Variants in ACTN2 observed in about 807,000 individuals in gnomAD.
The protein encoded by ACTN2 is actinin alpha 2, also known as alpha-actinin-2.
ACTN2 carries 39 observed loss-of-function variants against 113.8 expected under a neutral mutation model. The ratio of observed to expected loss-of-function variants is 0.34; its 90% CI spans 0.27 to 0.45. The LOEUF (loss-of-function observed/expected upper bound fraction) is 0.45. ACTN2 is among the 20% of genes least tolerant of loss of function. The pLI is 1.00. For missense variants in ACTN2, 992 were observed against 1,177.9 expected, an observed-to-expected ratio of 0.84 and a Z score of 2.31; for synonymous variants, 429 against 444.1, an observed-to-expected ratio of 0.97 and a Z score of 0.43.
chr1:236,701,752 A>G (rs1657683766), intron 1 of ACTN2, among the ~76,000 whole-genome samples: 1 of 152,188 alleles, frequency 6.6e-6, no homozygotes. Flanking sequence ...TGCTCTTTTG[A>G]CAGTATGTCT....
At chr1:236,748,067 A>G (rs771894947) in intron 13 of ACTN2, 33 of 362,266 alleles carry the variant, frequency 9.1e-5, no homozygotes, top group Non-Finnish European at 1.4e-4. Context: ...ACGTTTCCAA[A>G]AGTCCTTCTA....
Position 236,723,614 on chromosome 1 carries a change from C to A in ACTN2, c.449-2319C>A, listed in dbSNP as rs543487791. On this transcript the variant is annotated intron_variant, in intron 4 of 20. Coordinates refer to ENST00000366578, the MANE Select transcript of ACTN2 (RefSeq NM_001103.4). Reference sequence around the variant, plus strand: ...CCAAGTAGCTGGGATTACAAGTGCCCGCCACCGTGCCCGGCTAATTTTTGT... The same window carrying A: ...CCAAGTAGCTGGGATTACAAGTGCCAGCCACCGTGCCCGGCTAATTTTTGT... Among the ~76,000 whole-genome samples the A allele has an allele frequency of 3.9e-5, 6 of 151,976 alleles. No homozygotes were observed. In the South Asian group the frequency reaches 1.2e-3, roughly 32 times the overall value.
At chr1:236,751,714 G>A in intron 15 of ACTN2, 62 bp downstream of exon 15, 2 of 1,597,128 alleles carry the variant, frequency 1.3e-6, no homozygotes, top group Non-Finnish European at 1.7e-6. Context: ...GTCGAAGGAG[G>A]AAGTTAACGC....
chr1:236,704,631 T>G (rs1474728307), intron 1 of ACTN2, among the ~76,000 whole-genome samples: 4 of 152,156 alleles, frequency 2.6e-5, no homozygotes, highest in Middle Eastern at 3.2e-3. Context: ...GCTTATGATA[T>G]GAGAGATTTA....
chr1:236,688,505 G>T (rs112540270), intron 1 of ACTN2, among the ~76,000 whole-genome samples: 3 of 151,882 alleles, frequency 2.0e-5, no homozygotes, highest in Non-Finnish European at 4.4e-5. Flanking sequence ...ATATGGCTTC[G>T]AATTCTTTTA....
chr1:236,719,034 TC>T (rs1437178847), intron 3 of ACTN2, 21 bp downstream of exon 3: 1 of 1,613,240 alleles, frequency 6.2e-7, no homozygotes, highest in African/African-American at 1.3e-5. Context: ...TGGTGGGTGG[TC>T]CTGTCTGCCA....
chr1:236,722,270 T>C (rs1658416936), intron 4 of ACTN2, among the ~76,000 whole-genome samples: 2 of 152,160 alleles, frequency 1.3e-5, no homozygotes, highest in Admixed American at 1.3e-4. Context: ...TTCATTGTTA[T>C]TAGAATCAAA....
intron 6 of ACTN2, among the ~76,000 whole-genome samples, chr1:236,728,880 T>G (rs909359775): frequency 6.8e-6 from 1 of 147,604 alleles, no homozygotes; most frequent in Non-Finnish European, 1.5e-5. Flanking sequence ...GGCCACAGGG[T>G]GACACACCAA....
intron 11 of ACTN2, among the ~76,000 whole-genome samples, chr1:236,744,035 G>T (rs896097199): frequency 6.6e-6 from 1 of 152,110 alleles, no homozygotes; most frequent in African/African-American, 2.4e-5. Flanking sequence ...ATTAGCCAGG[G>T]GATAAATGTG....
chr1:236,731,172 T>C, intron 6 of ACTN2, 61 bp from the exon 7 acceptor site: 1 of 1,328,018 alleles, frequency 7.5e-7, no homozygotes, highest in South Asian at 1.2e-5. Flanking sequence ...TAAGAAACAT[T>C]CTTCATAAGT....
At chr1:236,733,310 A>T (rs1212401159) in intron 7 of ACTN2, among the ~76,000 whole-genome samples, 1 of 152,166 alleles carries the variant, frequency 6.6e-6, no homozygotes, top group African/African-American at 2.4e-5. Flanking sequence ...TGAGTTTCCT[A>T]TTCACTCACG....
chr1:236,757,830 G>A (rs747401334), intron 18 of ACTN2, among the ~76,000 whole-genome samples, 198 bp downstream of exon 18: 30 of 152,156 alleles, frequency 2.0e-4, no homozygotes, highest in Non-Finnish European at 1.9e-4. Flanking sequence ...CAAAGTCCAG[G>A]TTTGTGTGCT....
In ACTN2 at chr1:236,737,297, GCA is replaced by G. The variant is rs1491227221; in HGVS notation, c.876+84_876+85del. On this transcript the variant is annotated intron_variant, in intron 9 of 20. Coordinates refer to ENST00000366578, the MANE Select transcript of ACTN2 (RefSeq NM_001103.4). ...GAGGGTGAAAAAATACTCCGTGGGG[GCA>G]TATATATATATATATATATTTTGCA... The G allele has an allele frequency of 2.1e-3, 663 of 321,750 alleles. 77 individuals are homozygous for G. Among genetic ancestry groups the G allele is most frequent in the Admixed American group, 4.7e-3 (115 of 24,410 alleles). 19.9% of individuals were successfully genotyped at this position (321,750 alleles called of 1,614,324 possible).
intron 19 of ACTN2, among the ~76,000 whole-genome samples, chr1:236,760,148 A>T (rs1351947020): frequency 6.6e-6 from 1 of 152,088 alleles, no homozygotes; most frequent in Non-Finnish European, 1.5e-5. Flanking sequence ...TGGGAGGTTG[A>T]GGCAGGAGAA....
chr1:236,734,092 A>G (rs780472864), intron 7 of ACTN2, among the ~76,000 whole-genome samples: 1 of 152,180 alleles, frequency 6.6e-6, no homozygotes. Flanking sequence ...GTGTGTAGTA[A>G]TAGAAAGTCC....
At position 236,749,155 on chromosome 1, in the gene ACTN2, A is replaced by G. The variant is rs1272875116; in HGVS notation, c.1547A>G (p.Gln516Arg). Residue 516 changes from glutamine to arginine, a missense_variant, in exon 14 of 21, where the codon CAG becomes CGG. Gln to Arg is a conservative substitution (Grantham distance 43). Transcript: ENST00000366578. ...RMEKLLETID[Q>R]LHLEFAKRAA... ...GAGAAATTGCTAGAAACCATTGATC[A>G]GCTTCACCTGGAGTTTGCCAAGAGG... 1.2e-6 allele frequency: 2 copies of G among 1,614,092 alleles called. No homozygotes were observed. Among genetic ancestry groups the G allele is most frequent in the East Asian group, 2.2e-5 (1 of 44,888 alleles).
chr1:236,744,539 A>G, intron 11 of ACTN2, 87 bp from the exon 12 acceptor site: 2 of 1,508,626 alleles, frequency 1.3e-6, no homozygotes, highest in Non-Finnish European at 1.8e-6. Flanking sequence ...GTTCTTTGGA[A>G]TCTCACCGCT....
intron 8 of ACTN2, among the ~76,000 whole-genome samples, chr1:236,736,158 G>T (rs1658868101): frequency 6.6e-6 from 1 of 152,202 alleles, no homozygotes; most frequent in South Asian, 2.1e-4. Context: ...TATTTTAAGT[G>T]AAATAGTGGA....
chr1:236,749,972 GT>G (rs1027665490), intron 14 of ACTN2, among the ~76,000 whole-genome samples: 2 of 152,190 alleles, frequency 1.3e-5, no homozygotes, highest in African/African-American at 2.4e-5. Flanking sequence ...GATCTACAGA[GT>G]TTTTTGCCAG....
Sources: gnomAD v4.1 joint callset for allele counts (sites outside exome capture counted in the v4.1 genomes callset) on GRCh38, gnomAD v4.1.1 for gene constraint, MANE v1.5 for transcripts, NCBI Gene and HGNC (gene_info 2026-07-23, HGNC 2026-07-21) for gene names.